Variants in E2F5 observed in about 807,000 individuals in gnomAD.
E2F5 encodes the protein transcription factor E2F5.
Under a neutral mutation model 39.1 loss-of-function variants are expected in E2F5, and 23 were observed. The ratio of observed to expected loss-of-function variants is 0.59; its 90% CI spans 0.42 to 0.83. E2F5 has a LOEUF of 0.83. Ranked by LOEUF, E2F5 falls within the 40% of genes least tolerant of loss-of-function variation. The pLI is 0.00. For synonymous variants in E2F5, 145 were observed against 157.8 expected (o/e 0.92, Z 0.61); for missense variants, 365 against 406.7 (o/e 0.90, Z 0.88).
At position 85,214,498 on chromosome 8, in the gene E2F5, A is replaced by AAAATTGT. The variant is rs1813048553; in HGVS notation, c.*638_*644dup. The AAAATTGT allele has an allele frequency of 8.8e-7, 1 of 1,142,416 alleles. No individual in the cohort carries two copies. Among genetic ancestry groups the AAAATTGT allele is most frequent in the Admixed American group, 2.0e-5 (1 of 49,898 alleles). 70.8% of individuals were successfully genotyped at this position (1,142,416 alleles called of 1,614,324 possible). ...GTACATTAACAAGATTTTTAAAAAT[A>AAAATTGT]AAATTGTATAAAACATTCAATTTAT... On this transcript the variant is annotated 3_prime_UTR_variant, in exon 8 of 8. Transcript: ENST00000416274.
At chr8:85,197,963 A>C (rs1163809873) in intron 1 of E2F5, among the ~76,000 whole-genome samples, 2 of 152,026 alleles carry the variant, frequency 1.3e-5, no homozygotes, top group Admixed American at 1.3e-4. Flanking sequence ...CATGCTACCT[A>C]TTGTCTTGCT....
chr8:85,195,195 C>T (rs544622931), intron 1 of E2F5, among the ~76,000 whole-genome samples: 11 of 152,008 alleles, frequency 7.2e-5, no homozygotes, highest in Admixed American at 4.6e-4. Context: ...CCAGCTTGCC[C>T]AACATAGTGA....
intron 1 of E2F5, among the ~76,000 whole-genome samples, chr8:85,186,933 CCTT>C (rs1181966960): frequency 2.9e-5 from 4 of 137,368 alleles, no homozygotes; most frequent in African/African-American, 1.1e-4. Flanking sequence ...ATAAATTCCT[CCTT>C]AGTTTTCTCT....
At chr8:85,178,684 C>T (rs1812138872) in intron 1 of E2F5, among the ~76,000 whole-genome samples, 1 of 152,220 alleles carries the variant, frequency 6.6e-6, no homozygotes, top group Admixed American at 6.5e-5. Flanking sequence ...CCTGGACCAC[C>T]TTACCTGGCT....
In E2F5 at chr8:85,207,341, T is replaced by A. The variant is rs1451836398; in HGVS notation, c.551-84T>A. On this transcript the variant is annotated intron_variant, in intron 4 of 7. Transcript: ENST00000416274. The stretch of plus-strand genomic sequence containing the variant: ...CCTAGTTTGGGATTGAACCAAACAC[T>A]CTGATTCCAGAGCCCACATTCTTGC... 1.6e-5 allele frequency: 19 copies of A among 1,221,138 alleles called. No individual in the cohort carries two copies. The East Asian group carries it at 1.8e-4, about 12-fold the overall frequency. The allele number at this position is 1,221,138 out of a possible 1,614,324, so 75.6% of individuals were successfully genotyped here.
chr8:85,180,729 C>T (rs991333235), intron 1 of E2F5, among the ~76,000 whole-genome samples: 25 of 150,714 alleles, frequency 1.7e-4, no homozygotes, highest in Admixed American at 3.3e-4. Context: ...AGGCACCCGC[C>T]ATCACGCCCG....
rs1038117339 is a variant in E2F5 at position 85,177,827 on chromosome 8, G to C, written c.234+173G>C. The C allele has an allele frequency of 3.6e-6, 4 of 1,097,266 alleles. No homozygotes were observed. The African/African-American group carries it at 6.6e-5, about 18-fold the overall frequency. 68.0% of individuals were successfully genotyped at this position (1,097,266 alleles called of 1,614,324 possible). A position where few individuals can be genotyped will look rare whatever the true frequency, so the allele number is the denominator to read the frequency against. On this transcript the variant is annotated intron_variant, in intron 1 of 7. Transcript: ENST00000416274. ...CGCCCGGGTCGTGGACGCCGGGATG[G>C]GGGAGGGACGAGGGACCAGGATGGC...
chr8:85,199,877 G>A (rs758011852), intron 1 of E2F5, among the ~76,000 whole-genome samples: 8 of 152,172 alleles, frequency 5.3e-5, no homozygotes, highest in Non-Finnish European at 1.0e-4. Context: ...GTGAGCTTAC[G>A]ATGAGGCCAG....
At chr8:85,204,281 C>A (rs1355435279) in intron 3 of E2F5, among the ~76,000 whole-genome samples, 1 of 152,008 alleles carries the variant, frequency 6.6e-6, no homozygotes, top group African/African-American at 2.4e-5. Flanking sequence ...ATAAAGTTTT[C>A]TGTATATTAT....
At chr8:85,211,719 T>TCAGCTC (rs936699555) in intron 6 of E2F5, among the ~76,000 whole-genome samples, 8 of 137,824 alleles carry the variant, frequency 5.8e-5, no homozygotes, top group African/African-American at 2.2e-4. Flanking sequence ...TGGCGCGATC[T>TCAGCTC]CAGCTCACTG....
In E2F5 at chr8:85,213,835, G is replaced by T. The variant is rs1313877483; in HGVS notation, c.1014G>T (p.Leu338=). 1 of 1,610,092 alleles carries T rather than the reference G, an allele frequency of 6.2e-7. No individual in the cohort carries two copies. The highest frequency in any genetic ancestry group is 8.5e-7 in the Non-Finnish European group (1 of 1,176,794). ...ATGATAACGAAGGAGTTTGTGATCT[G>T]TTTGATGTCCAGATACTAAATTATT... ...NLDDNEGVCD[L]FDVQILNY is the part of the protein sequence containing the mutation. The change falls in exon 8 of 8, where the codon CTG becomes CTT. Residue 338 remains leucine (L), a synonymous_variant. Coordinates refer to ENST00000416274, the MANE Select transcript of E2F5 (RefSeq NM_001951.4).
intron 1 of E2F5, among the ~76,000 whole-genome samples, chr8:85,186,530 C>T (rs747458137): frequency 4.1e-4 from 60 of 146,494 alleles, no homozygotes; most frequent in Middle Eastern, 3.7e-3. Context: ...TATATATGTA[C>T]GGTATATATA....
chr8:85,181,282 A>G (rs147489035), intron 1 of E2F5, among the ~76,000 whole-genome samples: 6 of 152,092 alleles, frequency 3.9e-5, no homozygotes, highest in South Asian at 2.1e-4. Flanking sequence ...TTTCTTTTCT[A>G]TCTTATGCTG....
At chr8:85,207,781 G>T (rs556484998) in intron 5 of E2F5, among the ~76,000 whole-genome samples, 2 of 152,162 alleles carry the variant, frequency 1.3e-5, no homozygotes, top group South Asian at 4.1e-4. Context: ...TTTATCAAGT[G>T]ATTTTTGTTT....
At chr8:85,197,549 A>G (rs889630259) in intron 1 of E2F5, among the ~76,000 whole-genome samples, 36 of 152,138 alleles carry the variant, frequency 2.4e-4, no homozygotes, top group African/African-American at 8.7e-4. Context: ...ACCTATAGAC[A>G]TTGCTTTGTT....
intron 1 of E2F5, among the ~76,000 whole-genome samples, chr8:85,192,691 C>G (rs1313122019): frequency 6.6e-6 from 1 of 152,194 alleles, no homozygotes; most frequent in African/African-American, 2.4e-5. Context: ...TAAAGAATTA[C>G]TGGAGCAGAG....
At chr8:85,195,863 T>G (rs1812568472) in intron 1 of E2F5, among the ~76,000 whole-genome samples, 1 of 152,202 alleles carries the variant, frequency 6.6e-6, no homozygotes, top group Non-Finnish European at 1.5e-5. Flanking sequence ...ATTTATAGGT[T>G]TCTGAGGTTC....
At chr8:85,211,643 GTT>G (rs950695727) in intron 6 of E2F5, among the ~76,000 whole-genome samples, 127 of 52,184 alleles carry the variant, frequency 2.4e-3, no homozygotes, top group African/African-American at 0.01. Context: ...GTTTGTTGTT[GTT>G]TTTTTTTTTT....
chr8:85,208,735 T>C (rs967778173), intron 5 of E2F5, among the ~76,000 whole-genome samples: 2 of 152,092 alleles, frequency 1.3e-5, no homozygotes, highest in African/African-American at 4.8e-5. Context: ...TGCTTGCAGA[T>C]GGGAAAAAAA....
Sources: allele counts gnomAD v4.1 joint callset (sites outside exome capture counted in the v4.1 genomes callset), GRCh38; gene constraint gnomAD v4.1.1; transcripts MANE v1.5; gene names NCBI Gene and HGNC (gene_info 2026-07-23, HGNC 2026-07-21).